The following SERINC5 variants were observed in gnomAD, a reference collection of about 807,000 sequenced individuals.
The protein encoded by SERINC5 is chromosome 5 open reading frame 12.
Under a neutral mutation model 63.1 loss-of-function variants are expected in SERINC5, and 41 were observed. The ratio of observed to expected loss-of-function variants is 0.65; its 90% CI spans 0.51 to 0.84. SERINC5 has a LOEUF of 0.84. SERINC5 is among the 40% of genes least tolerant of loss of function. The pLI is 0.00. For synonymous variants in SERINC5, 222 were observed against 215.2 expected, an observed-to-expected ratio of 1.03 and a Z score of -0.28; for missense variants, 523 against 573.0, an observed-to-expected ratio of 0.91 and a Z score of 0.89.
intron 2 of SERINC5, among the ~76,000 whole-genome samples, chr5:80,193,396 G>A (rs1395420603): frequency 6.6e-6 from 1 of 152,082 alleles, no homozygotes; most frequent in Admixed American, 6.5e-5. Flanking sequence ...AGGCTACTCC[G>A]AGGCCCTGTC....
intron 1 of SERINC5, among the ~76,000 whole-genome samples, chr5:80,236,559 C>T (rs1437750477): frequency 6.8e-6 from 1 of 147,690 alleles, no homozygotes; most frequent in South Asian, 2.1e-4. Flanking sequence ...GACAGATTCT[C>T]GCTCTGTTGT....
intron 9 of SERINC5, 119 bp from the exon 10 acceptor site, chr5:80,147,403 C>CTT: frequency 9.7e-7 from 1 of 1,029,542 alleles, no homozygotes; most frequent in South Asian, 1.4e-5. Flanking sequence ...GTGGACTGTT[C>CTT]TTTCCCAGGT....
intron 11 of SERINC5, among the ~76,000 whole-genome samples, chr5:80,121,678 T>C (rs1744547978): frequency 6.6e-6 from 1 of 152,174 alleles, no homozygotes; most frequent in African/African-American, 2.4e-5. Flanking sequence ...AAGAGGTTTA[T>C]TTTGCCTTAT....
chr5:80,251,014 T>C (rs902304579), intron 1 of SERINC5, among the ~76,000 whole-genome samples: 5 of 152,232 alleles, frequency 3.3e-5, no homozygotes, highest in African/African-American at 1.2e-4. Flanking sequence ...TCTTTGATGA[T>C]GGATAGTTCC....
downstream of SERINC5, among the ~76,000 whole-genome samples, chr5:80,134,836 G>A (rs979183725): frequency 6.6e-6 from 1 of 152,200 alleles, no homozygotes; most frequent in African/African-American, 2.4e-5. Flanking sequence ...ACCCTGACAT[G>A]CACCCCAGAG....
chr5:80,242,520 G>C (rs1303231703), intron 1 of SERINC5, among the ~76,000 whole-genome samples: 1 of 152,134 alleles, frequency 6.6e-6, no homozygotes, highest in African/African-American at 2.4e-5. Flanking sequence ...TGGGAGGCGA[G>C]GCGGGTGGAT....
At chr5:80,149,692 T>C (rs757366675) in intron 9 of SERINC5, among the ~76,000 whole-genome samples, 3 of 152,264 alleles carry the variant, frequency 2.0e-5, no homozygotes, top group East Asian at 1.9e-4. Context: ...TTAACTCTTC[T>C]GGTTTTCCCC....
At chr5:80,163,557 T>A (rs1245072760) in intron 7 of SERINC5, among the ~76,000 whole-genome samples, 1 of 151,894 alleles carries the variant, frequency 6.6e-6, no homozygotes, top group Non-Finnish European at 1.5e-5. Context: ...TTTTTTTTTT[T>A]ACCATGAAAA....
Position 80,139,514 on chromosome 5 carries a change from A to T in SERINC5, c.*4149T>A, listed in dbSNP as rs1314238526. The T allele has an allele frequency of 1.0e-6, 1 of 985,260 alleles. No homozygotes were observed. The highest frequency in any genetic ancestry group is 1.2e-6 in the Non-Finnish European group (1 of 829,940). The allele number at this position is 985,260 out of a possible 1,614,324, so 61.0% of individuals were successfully genotyped here. A position where few individuals can be genotyped will look rare whatever the true frequency, so the allele number is the denominator to read the frequency against. On this transcript the variant is annotated 3_prime_UTR_variant, in exon 12 of 12. Coordinates refer to ENST00000507668, the MANE Select transcript of SERINC5 (RefSeq NM_001174072.3). ...TTCTGAAAGGATTTTGCTTAAGGAA[A>T]AAAAAAGCTCTTTGGTAAAGGCCAA...
At chr5:80,202,046 T>G (rs779931672) in intron 2 of SERINC5, among the ~76,000 whole-genome samples, 15 of 152,116 alleles carry the variant, frequency 9.9e-5, no homozygotes, top group South Asian at 2.1e-4. Flanking sequence ...AAGACCAGCC[T>G]GGCCAACATG....
intron 4 of SERINC5, 128 bp downstream of exon 4, chr5:80,177,187 A>G: frequency 3.1e-6 from 2 of 653,548 alleles, no homozygotes; most frequent in Non-Finnish European, 5.4e-6. Context: ...TAAGTCAGGA[A>G]TTTCTTTTGA....
intron 3 of SERINC5, 38 bp from the exon 4 acceptor site, chr5:80,177,435 A>C (rs769689159): frequency 1.3e-6 from 2 of 1,529,782 alleles, no homozygotes; most frequent in South Asian, 2.3e-5. Context: ...AATGTATTTA[A>C]ATGACATTCA....
At chr5:80,206,682 C>T (rs1180233104) in intron 1 of SERINC5, among the ~76,000 whole-genome samples, 1 of 152,092 alleles carries the variant, frequency 6.6e-6, no homozygotes, top group South Asian at 2.1e-4. Flanking sequence ...ATTTTACTGA[C>T]CTCTTTCCAC....
At chr5:80,158,983 T>C (rs1286849943) in intron 7 of SERINC5, 21 bp from the exon 8 acceptor site, 3 of 1,612,396 alleles carry the variant, frequency 1.9e-6, no homozygotes, top group African/African-American at 1.3e-5. Flanking sequence ...AAAAACAAAG[T>C]CATCACAGTC....
At chr5:80,173,552 T>C (rs1166318618) in intron 5 of SERINC5, among the ~76,000 whole-genome samples, 1 of 152,040 alleles carries the variant, frequency 6.6e-6, no homozygotes, top group East Asian at 1.9e-4. Context: ...GCCGAGATTG[T>C]GCCACTGCAC....
chr5:80,173,652 C>G (rs930654419), intron 5 of SERINC5, among the ~76,000 whole-genome samples: 1 of 152,038 alleles, frequency 6.6e-6, no homozygotes, highest in Non-Finnish European at 1.5e-5. Flanking sequence ...CTGGAAGCTT[C>G]TTGCTGCTCT....
At chr5:80,242,576 C>T (rs992790104) in intron 1 of SERINC5, among the ~76,000 whole-genome samples, 4 of 152,184 alleles carry the variant, frequency 2.6e-5, no homozygotes, top group African/African-American at 7.2e-5. Flanking sequence ...ATGGTGAAAG[C>T]TTGTCTCTAC....
rs1289318409 is a variant in SERINC5 at position 80,228,266 on chromosome 5, A to AGGAG, written c.28-25217_28-25214dup. Among the ~76,000 whole-genome samples, 93 of 65,286 alleles carry AGGAG rather than the reference A, an allele frequency of 1.4e-3. 1 individual carries two copies. The highest frequency in any genetic ancestry group is 4.9e-3 in the African/African-American group (76 of 15,576). The allele number at this position is 65,286 out of a possible 152,430, so 42.8% of individuals were successfully genotyped here. A position where few individuals can be genotyped will look rare whatever the true frequency, so the allele number is the denominator to read the frequency against. Reference sequence around the variant, plus strand: ...GGAGGGAAAGGAGGGAGGGAAGGAAAGGAGGGAGGGAGGGAGGGAGGGAAA... The same window carrying AGGAG: ...GGAGGGAAAGGAGGGAGGGAAGGAAAGGAGGGAGGGAGGGAGGGAGGGAGGGAAA... On this transcript the variant is annotated intron_variant, in intron 1 of 11. Coordinates refer to ENST00000507668, the MANE Select transcript of SERINC5 (RefSeq NM_001174072.3).
rs937717950 is a variant in SERINC5 at position 80,143,986 on chromosome 5, C to T, written c.1239-176G>A. On this transcript the variant is annotated intron_variant, in intron 11 of 11. Transcript: ENST00000507668. The stretch of plus-strand genomic sequence containing the variant: ...CATTCTCATCACCCCCAAAAGAAAT[C>T]ATGCACCCCTTAGGTGCTCTCCCCT... 2.1e-5 allele frequency: 16 copies of T among 751,568 alleles called. No homozygotes were observed. In the African/African-American group the frequency reaches 2.8e-4, roughly 13 times the overall value. The allele number at this position is 751,568 out of a possible 1,614,324, so 46.6% of individuals were successfully genotyped here.
Sources: allele counts gnomAD v4.1 joint callset (sites outside exome capture counted in the v4.1 genomes callset), GRCh38; gene constraint gnomAD v4.1.1; transcripts MANE v1.5; gene names NCBI Gene and HGNC (gene_info 2026-07-23, HGNC 2026-07-21).